NTRK3: variants seen among roughly 807,000 people sequenced by gnomAD.
NTRK3 encodes neurotrophic receptor tyrosine kinase 3.
In NTRK3, 24 loss-of-function variants were observed where a neutral mutation model predicts 91.7. The ratio of observed to expected loss-of-function variants is 0.26; its 90% confidence interval spans 0.19 to 0.37. NTRK3 has a LOEUF of 0.37. Ranked by LOEUF, NTRK3 falls within the 10% of genes least tolerant of loss-of-function variation. The pLI, the probability that NTRK3 is intolerant of heterozygous loss-of-function variation, is 1.00. For synonymous variants in NTRK3, 483 were observed against 404.0 expected, an observed-to-expected ratio of 1.20 and a Z score of -2.34; for missense variants, 880 against 1,068.9, an observed-to-expected ratio of 0.82 and a Z score of 2.46.
intron 13 of NTRK3, among the ~76,000 whole-genome samples, chr15:88,053,943 G>A (rs1450267323): frequency 2.0e-5 from 3 of 152,184 alleles, no homozygotes; most frequent in South Asian, 2.1e-4. Flanking sequence ...TGATTAATAT[G>A]ACACTACAGG....
At chr15:87,921,327 ACTT>A (rs2067850605) in intron 17 of NTRK3, among the ~76,000 whole-genome samples, 1 of 152,298 alleles carries the variant, frequency 6.6e-6, no homozygotes, top group South Asian at 2.1e-4. Flanking sequence ...AGCCAGCATC[ACTT>A]CTTCATTGGT....
intron 13 of NTRK3, among the ~76,000 whole-genome samples, chr15:88,060,758 G>A (rs1039458573): frequency 1.3e-5 from 2 of 152,194 alleles, no homozygotes; most frequent in Non-Finnish European, 2.9e-5. Context: ...AGAAGCCCCA[G>A]TCACAGGCTA....
chr15:87,999,948 T>C (rs1596609638), intron 14 of NTRK3, among the ~76,000 whole-genome samples: 1 of 152,314 alleles, frequency 6.6e-6, no homozygotes, highest in Non-Finnish European at 1.5e-5. Context: ...ACCCACAGAC[T>C]TAGGGATCTG....
intron 5 of NTRK3, among the ~76,000 whole-genome samples, chr15:88,178,851 A>AG (rs890313695): frequency 6.6e-6 from 1 of 152,216 alleles, no homozygotes; most frequent in African/African-American, 2.4e-5. Context: ...CTGAATCCCC[A>AG]GGGGGAAAGA....
At chr15:88,179,437 A>C (rs2046272600) in intron 5 of NTRK3, among the ~76,000 whole-genome samples, 1 of 152,176 alleles carries the variant, frequency 6.6e-6, no homozygotes, top group Non-Finnish European at 1.5e-5. Flanking sequence ...GCCACCTACC[A>C]TACCCCTGCC....
chr15:88,176,882 C>T (rs1474655619), intron 5 of NTRK3, among the ~76,000 whole-genome samples: 2 of 152,110 alleles, frequency 1.3e-5, no homozygotes, highest in Non-Finnish European at 2.9e-5. Context: ...ATTATTCAGC[C>T]ACATGACGGA....
Position 87,958,638 on chromosome 15 carries a change from G to T in NTRK3, c.1586-17885C>A, listed in dbSNP as rs764616221. ...GTGCTCCCAAGCCCATCAATAAATC[G>T]TGTCCACTCAACACCCAAGCAATTC... On this transcript the variant is annotated intron_variant, in intron 14 of 18. Coordinates refer to ENST00000394480, the Ensembl canonical transcript of NTRK3. 4.6e-5 allele frequency among the ~76,000 whole-genome samples: 7 copies of T among 151,720 alleles called. No homozygotes were observed. In the East Asian group the frequency reaches 1.4e-3, roughly 29 times the overall value.
intron 3 of NTRK3, among the ~76,000 whole-genome samples, chr15:88,205,572 A>C (rs2048677720): frequency 1.3e-5 from 2 of 152,280 alleles, no homozygotes; most frequent in South Asian, 2.1e-4. Flanking sequence ...CCAGCCAGCC[A>C]CAGCCCTCTA....
Position 88,097,319 on chromosome 15 carries a change from G to C in NTRK3, c.1396+28952C>G, listed in dbSNP as rs545922081. On this transcript the variant is annotated intron_variant, in intron 13 of 18. Transcript: ENST00000394480. ...CTACTATCATTAATGCTGTTAGCAT[G>C]ACAAATGTACCAGAGGACTATGAAG... Among the ~76,000 whole-genome samples the C allele has an allele frequency of 4.0e-4, 61 of 152,322 alleles. 1 individual carries two copies. The South Asian group carries it at 0.012, about 30-fold the overall frequency.
intron 17 of NTRK3, among the ~76,000 whole-genome samples, chr15:87,917,077 G>T (rs2067498518): frequency 6.6e-6 from 1 of 152,130 alleles, no homozygotes; most frequent in Admixed American, 6.5e-5. Flanking sequence ...GGGCCATTTT[G>T]GTCACATTGA....
At chr15:87,875,883 T>C in exon 19 of NTRK3, 1 of 232,326 alleles carries the variant, frequency 4.3e-6, no homozygotes, top group South Asian at 1.8e-4. Context: ...GCATTCGTTA[T>C]AATGACCTAC....
intron 14 of NTRK3, among the ~76,000 whole-genome samples, chr15:88,002,469 G>A (rs560609702): frequency 2.6e-5 from 4 of 152,122 alleles, no homozygotes; most frequent in African/African-American, 9.6e-5. Flanking sequence ...AGAGGGTAGG[G>A]AAGCCCTTCC....
chr15:88,039,471 G>A (rs1596898613), intron 13 of NTRK3, among the ~76,000 whole-genome samples: 2 of 152,076 alleles, frequency 1.3e-5, no homozygotes, highest in East Asian at 1.9e-4. Context: ...GGAGAAACTC[G>A]ATGGCCCTGA....
At chr15:88,156,537 C>T (rs879325246) in intron 5 of NTRK3, among the ~76,000 whole-genome samples, 13 of 152,234 alleles carry the variant, frequency 8.5e-5, no homozygotes, top group Non-Finnish European at 1.9e-4. Context: ...GTTGGCTGCA[C>T]CCTTAGAGCT....
chr15:88,144,673 T>C (rs776811251), intron 6 of NTRK3, among the ~76,000 whole-genome samples: 3 of 152,140 alleles, frequency 2.0e-5, no homozygotes, highest in Non-Finnish European at 4.4e-5. Context: ...CTGTTTAACT[T>C]AGCCGAGCCT....
intron 6 of NTRK3, among the ~76,000 whole-genome samples, chr15:88,143,544 T>G (rs993242852): frequency 2.0e-5 from 3 of 152,234 alleles, no homozygotes; most frequent in Non-Finnish European, 4.4e-5. Context: ...AACTTAACTC[T>G]CTAAGGTTCT....
At chr15:88,132,727 C>G (rs140492358) in intron 10 of NTRK3, among the ~76,000 whole-genome samples, 7 of 152,294 alleles carry the variant, frequency 4.6e-5, no homozygotes, top group African/African-American at 1.7e-4. Flanking sequence ...TTCCTGCACC[C>G]CCAGATAATT....
intron 13 of NTRK3, among the ~76,000 whole-genome samples, chr15:88,056,203 T>TATATATATATATATATATA (rs554008074): frequency 1.7e-5 from 1 of 60,256 alleles, no homozygotes; most frequent in African/African-American, 7.1e-5. Context: ...TATATATATA[T>TATATATATATATATATATA]TTTTTTTTTA....
rs7168040 is a variant in NTRK3 at position 88,137,712 on chromosome 15, G to T, written c.465-151C>A. ...TTACAAAAGAAGTGGAAAAATCCTTGTAAGTCCATAAATTGCAGTTTTAAA... is the reference window on the plus strand; with the variant it reads ...TTACAAAAGAAGTGGAAAAATCCTTTTAAGTCCATAAATTGCAGTTTTAAA... On this transcript the variant is annotated intron_variant, in intron 6 of 18. Coordinates refer to ENST00000394480, the Ensembl canonical transcript of NTRK3. 155,426 of 787,024 alleles carry T rather than the reference G, an allele frequency of 0.2. 16,206 individuals are homozygous for T. Among genetic ancestry groups the T allele is most frequent in the Middle Eastern group, 0.24 (736 of 3,066 alleles). The allele number at this position is 787,024 out of a possible 1,614,324, so 48.8% of individuals were successfully genotyped here. A position where few individuals can be genotyped will look rare whatever the true frequency, so the allele number is the denominator to read the frequency against.
Sources: allele counts gnomAD v4.1 joint callset (sites outside exome capture counted in the v4.1 genomes callset), GRCh38; gene constraint gnomAD v4.1.1; transcripts MANE v1.5; gene names NCBI Gene and HGNC (gene_info 2026-07-23, HGNC 2026-07-21).